NBL1: variants seen among roughly 807,000 people sequenced by gnomAD.
NBL1 encodes neuroblastoma suppressor of tumorigenicity 1.
NBL1 carries 9 observed loss-of-function variants against 16.0 expected under a neutral mutation model. The ratio of observed to expected loss-of-function variants is 0.56; its 90% confidence interval spans 0.34 to 0.98. The LOEUF (loss-of-function observed/expected upper bound fraction) is 0.98. Among genes scored for constraint, NBL1 ranks in the 50% least tolerant of loss-of-function variants. The pLI is 0.02. For synonymous variants in NBL1, 86 were observed against 100.7 expected, an observed-to-expected ratio of 0.85 and a Z score of 0.87; for missense variants, 196 against 243.1, an observed-to-expected ratio of 0.81 and a Z score of 1.29.
rs1363514126 is a variant in NBL1, at chr1:19,657,104, C to G, written c.521C>G (p.Thr174Arg). 2.0e-6 allele frequency: 3 copies of G among 1,487,556 alleles called. No homozygotes were observed. Among genetic ancestry groups the G allele is most frequent in the South Asian group, 2.6e-5 (2 of 77,894 alleles). 92.1% of individuals were successfully genotyped at this position (1,487,556 alleles called of 1,614,324 possible). A position where few individuals can be genotyped will look rare whatever the true frequency, so the allele number is the denominator to read the frequency against. ...EPEDPPGAPH[T>R]EEEGAED ...GAGGACCCCCCTGGGGCCCCCCACA[C>G]AGAGGAAGAGGGGGCTGAGGACTGA... The change falls in exon 4 of 4, where the codon ACA becomes AGA. Residue 174 changes from threonine to arginine, a missense_variant. Physicochemically the swap from Thr to Arg is moderately conservative, Grantham distance 71 (BLOSUM62 -1). Transcript: ENST00000375136.
intron 1 of NBL1, among the ~76,000 whole-genome samples, chr1:19,652,225 C>T (rs2095030366): frequency 6.6e-6 from 1 of 152,190 alleles, no homozygotes; most frequent in South Asian, 2.1e-4. Flanking sequence ...CCAGGGAGCC[C>T]TGGCCTTAAA....
intron 1 of NBL1, among the ~76,000 whole-genome samples, chr1:19,650,616 T>C (rs1570556847): frequency 6.6e-6 from 1 of 152,070 alleles, no homozygotes; most frequent in African/African-American, 2.4e-5. Context: ...TCTCCAACTT[T>C]CCTTCCCGCC....
chr1:19,656,385 G>A (rs1160001263), intron 3 of NBL1, among the ~76,000 whole-genome samples: 1 of 134,116 alleles, frequency 7.5e-6, no homozygotes, highest in Non-Finnish European at 1.6e-5. Flanking sequence ...TAGGGCATGT[G>A]GTAGTCGGCG....
At chr1:19,656,124 A>G (rs973617281) in intron 3 of NBL1, among the ~76,000 whole-genome samples, 6 of 151,756 alleles carry the variant, frequency 4.0e-5, no homozygotes, top group African/African-American at 1.5e-4. Context: ...TGTTTCCCCC[A>G]CTAGACTCTG....
Position 19,657,107 on chromosome 1 carries a change from A to G in NBL1, c.524A>G (p.Glu175Gly). The G allele has an allele frequency of 1.4e-6, 2 of 1,470,210 alleles. No individual in the cohort carries two copies. Among genetic ancestry groups the G allele is most frequent in the Non-Finnish European group, 1.8e-6 (2 of 1,095,354 alleles). 91.1% of individuals were successfully genotyped at this position (1,470,210 alleles called of 1,614,324 possible). Residue 175 changes from glutamate to glycine, a missense_variant, in exon 4 of 4, where the codon GAG (glutamate) becomes GGG (glycine). Coordinates refer to ENST00000375136, the MANE Select transcript of NBL1 (RefSeq NM_005380.8). ...PEDPPGAPHT[E>G]EEGAED The stretch of plus-strand genomic sequence containing the variant: ...GACCCCCCTGGGGCCCCCCACACAG[A>G]GGAAGAGGGGGCTGAGGACTGAGGC...
At chr1:19,654,956 C>T (rs2095047538) in intron 1 of NBL1, 56 bp from the exon 2 acceptor site, 6 of 1,492,980 alleles carry the variant, frequency 4.0e-6, no homozygotes, top group South Asian at 1.3e-5. Context: ...TGTAACACCA[C>T]TACCCGGCCC....
At chr1:19,651,833 A>T (rs1271270397) in intron 1 of NBL1, among the ~76,000 whole-genome samples, 2 of 152,148 alleles carry the variant, frequency 1.3e-5, no homozygotes, top group Non-Finnish European at 2.9e-5. Flanking sequence ...TAGCTGGACT[A>T]CAGGTGCACA....
chr1:19,645,895 C>A, intron 1 of NBL1: 1 of 1,545,960 alleles, frequency 6.5e-7, no homozygotes. Flanking sequence ...GGGTCGGAGG[C>A]TGCCGGAGCG....
intron 1 of NBL1, among the ~76,000 whole-genome samples, chr1:19,652,416 G>A (rs184598127): frequency 3.3e-5 from 5 of 152,268 alleles, no homozygotes; most frequent in East Asian, 1.9e-4. Flanking sequence ...CCGGAAATGC[G>A]TGGGTGAGGG....
At chr1:19,654,242 C>CT (rs1558366124) in intron 1 of NBL1, among the ~76,000 whole-genome samples, 1 of 152,058 alleles carries the variant, frequency 6.6e-6, no homozygotes, top group East Asian at 1.9e-4. Flanking sequence ...GAAACCTGGT[C>CT]TTTACAGAAA....
At chr1:19,650,135 C>T (rs2095014871) in intron 1 of NBL1, among the ~76,000 whole-genome samples, 1 of 152,176 alleles carries the variant, frequency 6.6e-6, no homozygotes, top group Non-Finnish European at 1.5e-5. Flanking sequence ...TTAGTACAGT[C>T]ACATGTGGTC....
chr1:19,647,894 CGTGTGTGTGCGT>C (rs1558361034), intron 1 of NBL1, among the ~76,000 whole-genome samples: 1 of 99,496 alleles, frequency 1.0e-5, no homozygotes, highest in East Asian at 2.2e-4. Flanking sequence ...CGTGTGCGCG[CGTGTGTGTGCGT>C]GCTTGTGCGG....
intron 1 of NBL1, chr1:19,645,911 G>T: frequency 6.5e-7 from 1 of 1,549,620 alleles, no homozygotes; most frequent in Non-Finnish European, 8.7e-7. Flanking sequence ...GAGCGGGCAG[G>T]GTTGTTGGTG....
At chr1:19,651,767 G>A (rs1484828772) in intron 1 of NBL1, among the ~76,000 whole-genome samples, 3 of 151,980 alleles carry the variant, frequency 2.0e-5, no homozygotes, top group East Asian at 3.9e-4. Context: ...CGCAATCATG[G>A]CTCACTGCAG....
rs1022799035 is a variant in NBL1 at position 19,658,411 on chromosome 1, G to C, written c.*1282G>C. 2 of 152,644 alleles carry C rather than the reference G, an allele frequency of 1.3e-5. No individual in the cohort carries two copies. The highest frequency in any genetic ancestry group is 2.9e-5 in the Non-Finnish European group (2 of 68,064). 9.5% of individuals were successfully genotyped at this position (152,644 alleles called of 1,614,324 possible). A position where few individuals can be genotyped will look rare whatever the true frequency, so the allele number is the denominator to read the frequency against. On this transcript the variant is annotated 3_prime_UTR_variant, in exon 4 of 4. Transcript: ENST00000375136. ...CTTGTCACCATTGGACAGTCTCCCT[G>C]ATGGACCCTCAGTCTTCTCATGAAT...
upstream of NBL1, chr1:19,643,942 C>T: frequency 1.0e-6 from 1 of 986,116 alleles, no homozygotes. This position sits in a 1 kb window ranked among gnomAD's most constrained non-coding sequence, Gnocchi z 4.7. Context: ...CACGGCCTGA[C>T]GGCCCAGGCT....
intron 1 of NBL1, among the ~76,000 whole-genome samples, chr1:19,654,663 A>C (rs912237198): frequency 6.6e-6 from 1 of 152,086 alleles, no homozygotes; most frequent in Non-Finnish European, 1.5e-5. Flanking sequence ...CAGTGGCACC[A>C]TCTCCCCTTT....
intron 3 of NBL1, 67 bp downstream of exon 3, chr1:19,655,502 C>G: frequency 6.4e-7 from 1 of 1,552,636 alleles, no homozygotes; most frequent in Non-Finnish European, 8.8e-7. Context: ...GCCTTTCTCC[C>G]CAGGCTCCTG....
intron 3 of NBL1, 83 bp from the exon 4 acceptor site, chr1:19,656,783 A>G: frequency 6.8e-7 from 1 of 1,479,184 alleles, no homozygotes; most frequent in Non-Finnish European, 9.0e-7. Context: ...TCTTGATCCC[A>G]TGAGGAAGTA....
Sources: allele counts gnomAD v4.1 joint callset (sites outside exome capture counted in the v4.1 genomes callset), GRCh38; gene constraint gnomAD v4.1.1; non-coding constraint Gnocchi (gnomAD v3.1); transcripts MANE v1.5; gene names NCBI Gene and HGNC (gene_info 2026-07-23, HGNC 2026-07-21).